The following SLC7A7 variants were observed in gnomAD, a reference collection of about 807,000 sequenced individuals.
SLC7A7 encodes the protein Y+L amino acid transporter 1.
Under a neutral mutation model 47.9 loss-of-function variants are expected in SLC7A7, and 39 were observed. The ratio of observed to expected loss-of-function variants is 0.81; its 90% CI spans 0.63 to 1.06. SLC7A7 has a LOEUF of 1.06. Ranked by LOEUF, SLC7A7 falls within the 50% of genes least tolerant of loss-of-function variation. The pLI is 0.00. For missense variants in SLC7A7, 588 were observed against 632.0 expected, an observed-to-expected ratio of 0.93 and a Z score of 0.75; for synonymous variants, 234 against 242.8, an observed-to-expected ratio of 0.96 and a Z score of 0.34.
rs193128946 is a variant in SLC7A7, at chr14:22,811,042, C to T, written c.499+1858G>A. On this transcript the variant is annotated intron_variant, in intron 2 of 9. Transcript: ENST00000674313. Reference sequence around the variant, plus strand: ...CACAAAGCAGTGCCTTCCACCCCTCCCTGACTGTTGCCATGTATGACAAAC... The same window carrying T: ...CACAAAGCAGTGCCTTCCACCCCTCTCTGACTGTTGCCATGTATGACAAAC... Among the ~76,000 whole-genome samples the T allele has an allele frequency of 1.3e-4, 20 of 152,252 alleles. No homozygotes were observed. In the East Asian group the frequency reaches 3.9e-3, roughly 29 times the overall value.
At chr14:22,779,466 T>G (rs200853631) in intron 3 of SLC7A7, among the ~76,000 whole-genome samples, 7,355 of 127,220 alleles carry the variant, frequency 0.058, 533 homozygotes, top group East Asian at 0.28. Context: ...TTTTTTTTTT[T>G]GGGGGGGGGA....
At chr14:22,808,079 T>G (rs1360633734) in intron 2 of SLC7A7, among the ~76,000 whole-genome samples, 1 of 151,906 alleles carries the variant, frequency 6.6e-6, no homozygotes, top group East Asian at 1.9e-4. Flanking sequence ...GGAGAATCGC[T>G]TAACTTGGGA....
intron 2 of SLC7A7, among the ~76,000 whole-genome samples, chr14:22,794,244 C>T (rs557027893): frequency 1.3e-5 from 2 of 152,278 alleles, no homozygotes; most frequent in South Asian, 4.1e-4. Flanking sequence ...AGGCAGTGGG[C>T]AAGGTGAACC....
chr14:22,783,644 G>A (rs564065846), intron 2 of SLC7A7, among the ~76,000 whole-genome samples: 2 of 151,958 alleles, frequency 1.3e-5, no homozygotes, highest in East Asian at 1.9e-4. Context: ...CAGGTGATCC[G>A]CCTGCCTCAG....
chr14:22,779,080 AG>A, intron 3 of SLC7A7, 143 bp from the exon 4 acceptor site: 1 of 970,192 alleles, frequency 1.0e-6, no homozygotes, highest in Non-Finnish European at 1.6e-6. Context: ...AGTACCAGTA[AG>A]GGAACAGGAA....
rs1594942519 is a variant in SLC7A7, at chr14:22,773,988, G to A, written c.1374C>T (p.Phe458=). 6.8e-6 allele frequency: 11 copies of A among 1,614,216 alleles called. No individual in the cohort carries two copies. The East Asian group carries it at 2.5e-4, about 36-fold the overall frequency. ...AIALSGLPFY[F]LIIRVPEHKR... ...TATGTTCTGGCACTCTGATGATGAG[G>A]AAGTAAAAGGGCAGGCCTGAGAGGG... The change falls in exon 9 of 10, where the codon TTC becomes TTT. Residue 458 remains phenylalanine, a synonymous_variant. Transcript: ENST00000674313.
chr14:22,793,766 A>G (rs1176233327), intron 2 of SLC7A7, among the ~76,000 whole-genome samples: 2 of 152,094 alleles, frequency 1.3e-5, no homozygotes, highest in South Asian at 2.1e-4. Context: ...CAGTGAGCCA[A>G]TATCACACCA....
intron 2 of SLC7A7, among the ~76,000 whole-genome samples, chr14:22,783,922 T>C (rs1311089792): frequency 6.6e-6 from 1 of 152,182 alleles, no homozygotes; most frequent in Non-Finnish European, 1.5e-5. Flanking sequence ...CTAGCCCTCC[T>C]CTTCCTCAAA....
intron 2 of SLC7A7, among the ~76,000 whole-genome samples, chr14:22,784,049 G>C (rs2038768564): frequency 6.6e-6 from 1 of 152,214 alleles, no homozygotes; most frequent in Non-Finnish European, 1.5e-5. Flanking sequence ...ACTGGCCCCA[G>C]AGCCCAGCTA....
chr14:22,814,279 T>C (rs1423338718), intron 1 of SLC7A7, among the ~76,000 whole-genome samples: 1 of 150,160 alleles, frequency 6.7e-6, no homozygotes, highest in African/African-American at 2.4e-5. Context: ...AAGTCGGGAG[T>C]TCGAGACCAG....
chr14:22,808,162 C>T (rs2039244427), intron 2 of SLC7A7, among the ~76,000 whole-genome samples: 1 of 139,076 alleles, frequency 7.2e-6, no homozygotes, highest in South Asian at 2.2e-4. Flanking sequence ...GAAACTTCAT[C>T]TCAAAAAAAA....
At chr14:22,812,054 T>C (rs2039316946) in intron 2 of SLC7A7, among the ~76,000 whole-genome samples, 1 of 152,206 alleles carries the variant, frequency 6.6e-6, no homozygotes, top group Non-Finnish European at 1.5e-5. Context: ...AAAGTAGATC[T>C]GTAAGTAGAA....
At chr14:22,787,832 G>A (rs781417969) in intron 2 of SLC7A7, among the ~76,000 whole-genome samples, 3 of 151,898 alleles carry the variant, frequency 2.0e-5, no homozygotes, top group Non-Finnish European at 4.4e-5. Flanking sequence ...CCAGCACTTT[G>A]GGAGGCCGAG....
At position 22,801,448 on chromosome 14, in the gene SLC7A7, G is replaced by T. The variant is rs2039111642; in HGVS notation, c.499+11452C>A. ...TAGGACTGGTCTCCTCCTGTGCCTT[G>T]TTCTACCTTGCAAATCACAACACCA... On this transcript the variant is annotated intron_variant, in intron 2 of 9. Coordinates refer to ENST00000674313, the MANE Select transcript of SLC7A7 (RefSeq NM_003982.4). 2.0e-5 allele frequency among the ~76,000 whole-genome samples: 3 copies of T among 152,058 alleles called. No individual in the cohort carries two copies. The South Asian group carries it at 6.2e-4, about 32-fold the overall frequency.
chr14:22,807,135 G>A (rs1277094697), intron 2 of SLC7A7, among the ~76,000 whole-genome samples: 1 of 152,054 alleles, frequency 6.6e-6, no homozygotes, highest in Non-Finnish European at 1.5e-5. Flanking sequence ...TCCTGACCTC[G>A]AGATCCACCA....
intron 2 of SLC7A7, among the ~76,000 whole-genome samples, chr14:22,795,377 GCTTGCTTGCTTTCTTT>G (rs1378628973): frequency 8.6e-3 from 63 of 7,330 alleles, no homozygotes; most frequent in Admixed American, 0.064. Flanking sequence ...TCTGAGTATT[GCTTGCTTGCTTTCTTT>G]CTTTCTTTCT....
chr14:22,778,730 G>C (rs572732298), intron 4 of SLC7A7, 63 bp downstream of exon 4: 5 of 1,569,514 alleles, frequency 3.2e-6, no homozygotes, highest in Non-Finnish European at 4.4e-6. Flanking sequence ...TGTCTGGCAC[G>C]TAGTAGGAGC....
chr14:22,808,445 T>C (rs2039248843), intron 2 of SLC7A7, among the ~76,000 whole-genome samples: 2 of 152,202 alleles, frequency 1.3e-5, no homozygotes, highest in African/African-American at 4.8e-5. Context: ...TCTGCCTAAG[T>C]TCTCACTTAG....
chr14:22,775,364 G>A lies in SLC7A7; in HGVS notation c.1095+80C>T, dbSNP rs140396218. On this transcript the variant is annotated intron_variant, in intron 7 of 9. Coordinates refer to ENST00000674313, the MANE Select transcript of SLC7A7 (RefSeq NM_003982.4). ...TATTGGAATCTTTCAGAGCTTTCAG[G>A]AAGCTAGAACAGTCGCTTCTGCTGT... 3.0e-3 allele frequency: 3,348 copies of A among 1,121,672 alleles called. 5 individuals carry two copies. Among genetic ancestry groups the A allele is most frequent in the Non-Finnish European group, 4.2e-3 (3,121 of 735,234 alleles). 69.5% of individuals were successfully genotyped at this position (1,121,672 alleles called of 1,614,324 possible).
Sources: allele counts gnomAD v4.1 joint callset (sites outside exome capture counted in the v4.1 genomes callset), GRCh38; gene constraint gnomAD v4.1.1; transcripts MANE v1.5; gene names NCBI Gene and HGNC (gene_info 2026-07-23, HGNC 2026-07-21).